Variants in IPO11 observed in about 807,000 individuals in gnomAD.
IPO11 encodes the protein importin 11, also known as importin-11.
A neutral mutation model predicts 143.2 loss-of-function variants in IPO11; 66 were observed. The observed-to-expected ratio is 0.46, with a 90% confidence interval of 0.38 to 0.57. IPO11 has a LOEUF of 0.57. Ranked by LOEUF, IPO11 falls within the 20% of genes least tolerant of loss-of-function variation. The pLI, the probability that IPO11 is intolerant of heterozygous loss-of-function variation, is 0.00. For synonymous variants in IPO11, 385 were observed against 377.8 expected (o/e 1.02, Z -0.22); for missense variants, 1,026 against 1,141.0 (o/e 0.90, Z 1.45).
rs114765816 is a variant in IPO11, at chr5:62,452,271, G to T, written c.516+338G>T. ...AAAAAAATAAAATAAAATAAAAAAA[G>T]AAAATTGTGCTACTTGTAAAAAAAA... On this transcript the variant is annotated intron_variant, in intron 5 of 29. Transcript: ENST00000325324. 7.6e-3 allele frequency among the ~76,000 whole-genome samples: 1,150 copies of T among 151,162 alleles called. 76 individuals carry two copies. Among genetic ancestry groups the T allele is most frequent in the African/African-American group, 0.027 (1,083 of 40,560 alleles).
intron 27 of IPO11, among the ~76,000 whole-genome samples, chr5:62,565,976 G>T (rs1203682091): frequency 1.3e-5 from 2 of 152,140 alleles, no homozygotes; most frequent in African/African-American, 4.8e-5. Flanking sequence ...TTTTATGGCT[G>T]CATAGTATTC....
At chr5:62,556,184 G>C (rs1235639056) in intron 26 of IPO11, among the ~76,000 whole-genome samples, 2 of 152,066 alleles carry the variant, frequency 1.3e-5, no homozygotes, top group Admixed American at 6.5e-5. Flanking sequence ...CTTTTGACAG[G>C]CATGTTGGCA....
chr5:62,523,491 G>C (rs1355407960), intron 20 of IPO11, among the ~76,000 whole-genome samples: 4 of 151,362 alleles, frequency 2.6e-5, no homozygotes, highest in Non-Finnish European at 5.9e-5. Flanking sequence ...GTTTGGAAGT[G>C]GGTAAAACTA....
At chr5:62,445,477 G>A (rs1469891276) in intron 3 of IPO11, among the ~76,000 whole-genome samples, 1 of 151,806 alleles carries the variant, frequency 6.6e-6, no homozygotes, top group East Asian at 1.9e-4. Flanking sequence ...CCTGACTTAT[G>A]GTTGTTTGAT....
chr5:62,578,284 A>G (rs991761263), intron 27 of IPO11, among the ~76,000 whole-genome samples: 26 of 152,232 alleles, frequency 1.7e-4, no homozygotes, highest in African/African-American at 6.3e-4. Flanking sequence ...TGAAAATTTT[A>G]AAAAGAGCAC....
chr5:62,537,136 C>A, intron 23 of IPO11, 73 bp from the exon 24 acceptor site: 1 of 878,368 alleles, frequency 1.1e-6, no homozygotes, highest in Non-Finnish European at 1.8e-6. Context: ...ATAATGAATC[C>A]CAAATGAAAT....
At position 62,467,117 on chromosome 5, in the gene IPO11, C is replaced by A; in HGVS notation, c.517-14C>A. 2 of 1,601,098 alleles carry A rather than the reference C, an allele frequency of 1.2e-6. No homozygotes were observed. Among genetic ancestry groups the A allele is most frequent in the Non-Finnish European group, 1.7e-6 (2 of 1,175,490 alleles). The stretch of plus-strand genomic sequence containing the variant: ...TAATACACTATGAATAAATTTGTTG[C>A]CTTTTCTTTGCAGTTAGCTTCTGGA... On this transcript the variant is annotated splice_polypyrimidine_tract_variant and intron_variant, in intron 5 of 29. Transcript: ENST00000325324.
At chr5:62,599,673 G>A (rs1015341406) in intron 28 of IPO11, among the ~76,000 whole-genome samples, 2 of 152,092 alleles carry the variant, frequency 1.3e-5, no homozygotes, top group African/African-American at 4.8e-5. Flanking sequence ...GGATCTATTC[G>A]GTGATTTCTG....
chr5:62,624,043 G>GT lies in IPO11; in HGVS notation c.2764-3103dup, dbSNP rs1218299991. The stretch of plus-strand genomic sequence containing the variant: ...CTCCCCCCACCGTTTTTTTTGTTTT[G>GT]TTTTTTTTGAGACAGAGTTTTGCTC... On this transcript the variant is annotated intron_variant, in intron 29 of 29. Transcript: ENST00000325324. 3.1e-3 allele frequency among the ~76,000 whole-genome samples: 452 copies of GT among 144,580 alleles called. 1 individual carries two copies. Among genetic ancestry groups the GT allele is most frequent in the African/African-American group, 0.011 (432 of 39,336 alleles). 94.9% of individuals were successfully genotyped at this position (144,580 alleles called of 152,430 possible). A position where few individuals can be genotyped will look rare whatever the true frequency, so the allele number is the denominator to read the frequency against.
At chr5:62,604,845 A>T (rs372513415) in intron 29 of IPO11, among the ~76,000 whole-genome samples, 2 of 152,330 alleles carry the variant, frequency 1.3e-5, no homozygotes, top group East Asian at 3.9e-4. Flanking sequence ...ATAACATTTA[A>T]TAAATCCAAT....
intron 29 of IPO11, among the ~76,000 whole-genome samples, chr5:62,606,459 C>T (rs1036987169): frequency 3.3e-4 from 35 of 104,554 alleles, no homozygotes; most frequent in African/African-American, 1.3e-3. Context: ...CCAGCCTAGA[C>T]AACAGAACGA....
intron 24 of IPO11, among the ~76,000 whole-genome samples, chr5:62,548,292 A>G (rs949577006): frequency 5.3e-5 from 8 of 152,240 alleles, no homozygotes; most frequent in Non-Finnish European, 7.4e-5. Flanking sequence ...CAGATGTCCA[A>G]TATGTTCAGA....
chr5:62,525,403 A>C (rs566208367), intron 20 of IPO11, among the ~76,000 whole-genome samples: 1 of 150,778 alleles, frequency 6.6e-6, no homozygotes, highest in East Asian at 2.0e-4. Context: ...GGAGGTCGAC[A>C]GATTCTTGCT....
At chr5:62,537,988 G>A (rs998780177) in intron 24 of IPO11, among the ~76,000 whole-genome samples, 2 of 151,996 alleles carry the variant, frequency 1.3e-5, no homozygotes, top group Non-Finnish European at 2.9e-5. Context: ...AAACCTGCAC[G>A]TTGTGCACAT....
At chr5:62,619,532 C>T (rs1225229045) in intron 29 of IPO11, among the ~76,000 whole-genome samples, 2 of 152,086 alleles carry the variant, frequency 1.3e-5, no homozygotes, top group Non-Finnish European at 2.9e-5. Context: ...AATATTATGT[C>T]TTTACCATGA....
Position 62,566,864 on chromosome 5 carries a change from A to G in IPO11, c.2582+5607A>G, listed in dbSNP as rs570006912. 9.7e-4 allele frequency among the ~76,000 whole-genome samples: 147 copies of G among 152,016 alleles called. 2 individuals are homozygous for G. Among genetic ancestry groups the G allele is most frequent in the African/African-American group, 3.2e-3 (132 of 41,452 alleles). On this transcript the variant is annotated intron_variant, in intron 27 of 29. Transcript: ENST00000325324. ...AGAATATATATATATGTGTGTGTAT[A>G]TATATTTTTTAGTGGCAGAGTTTAG...
intron 6 of IPO11, among the ~76,000 whole-genome samples, chr5:62,469,334 T>C (rs1745685832): frequency 6.6e-6 from 1 of 152,242 alleles, no homozygotes; most frequent in Admixed American, 6.5e-5. Flanking sequence ...ACTGAAGGTC[T>C]TATAGACAGC....
In IPO11 at chr5:62,628,486, T is replaced by C. The variant is rs967827641; in HGVS notation, c.*1168T>C. 1 of 152,608 alleles carries C rather than the reference T, an allele frequency of 6.6e-6. No homozygotes were observed. The highest frequency in any genetic ancestry group is 1.5e-5 in the Non-Finnish European group (1 of 68,022). The allele number at this position is 152,608 out of a possible 1,614,324, so 9.5% of individuals were successfully genotyped here. ...GTAACTGCGGGAAACCCACTGCCCCTTTGTAAGCTGTGGAACCCAAACTGT... is the reference window on the plus strand; with the variant it reads ...GTAACTGCGGGAAACCCACTGCCCCCTTGTAAGCTGTGGAACCCAAACTGT... On this transcript the variant is annotated 3_prime_UTR_variant, in exon 30 of 30. Coordinates refer to ENST00000325324, the MANE Select transcript of IPO11 (RefSeq NM_016338.5).
rs538028649 is a variant in IPO11 at position 62,593,568 on chromosome 5, G to T, written c.2678+1896G>T. ...TCAAGATGAGTCAAGGTCTCCATGT[G>T]CCAAGCTCAGCCATGAAGAAAAAGT... On this transcript the variant is annotated intron_variant, in intron 28 of 29. Coordinates refer to ENST00000325324, the MANE Select transcript of IPO11 (RefSeq NM_016338.5). Among the ~76,000 whole-genome samples the T allele has an allele frequency of 1.3e-3, 201 of 152,286 alleles. 1 individual carries two copies. The highest frequency in any genetic ancestry group is 4.0e-3 in the African/African-American group (167 of 41,566).
Sources: allele counts gnomAD v4.1 joint callset (sites outside exome capture counted in the v4.1 genomes callset), GRCh38; gene constraint gnomAD v4.1.1; transcripts MANE v1.5; gene names NCBI Gene and HGNC (gene_info 2026-07-23, HGNC 2026-07-21).